The following PPFIA2 variants were observed in gnomAD, a reference collection of about 807,000 sequenced individuals.
PPFIA2 encodes the protein PPFI scaffold protein A2.
A neutral mutation model predicts 175.5 loss-of-function variants in PPFIA2; 46 were observed. The ratio of observed to expected loss-of-function variants is 0.26; its 90% CI spans 0.21 to 0.34. The LOEUF (loss-of-function observed/expected upper bound fraction) is 0.34, where lower values mean the gene tolerates loss of function less well. Among genes scored for constraint, PPFIA2 ranks in the 10% least tolerant of loss-of-function variants. PPFIA2 has a pLI of 1.00. For missense variants in PPFIA2, 1,179 were observed against 1,506.1 expected (o/e 0.78, Z 3.60); for synonymous variants, 568 against 511.4 (o/e 1.11, Z -1.49).
At chr12:81,455,938 T>C (rs570333936) in intron 5 of PPFIA2, among the ~76,000 whole-genome samples, 1 of 152,236 alleles carries the variant, frequency 6.6e-6, no homozygotes, top group Admixed American at 6.5e-5. Context: ...CAGAGGGGTG[T>C]AGAAAGGAGT....
At chr12:81,508,883 C>T (rs1041841604) in intron 4 of PPFIA2, among the ~76,000 whole-genome samples, 8 of 150,532 alleles carry the variant, frequency 5.3e-5, no homozygotes, top group Admixed American at 4.0e-4. Context: ...TTTGTTCTTG[C>T]GATAGTTTAC....
intron 17 of PPFIA2, among the ~76,000 whole-genome samples, chr12:81,349,589 G>A (rs1263293107): frequency 6.6e-6 from 1 of 151,750 alleles, no homozygotes; most frequent in Non-Finnish European, 1.5e-5. Flanking sequence ...AAAAAAAGAA[G>A]ACATTTTGTA....
intron 7 of PPFIA2, among the ~76,000 whole-genome samples, chr12:81,422,154 GTATA>G (rs533555962): frequency 1.4e-5 from 1 of 70,668 alleles, no homozygotes. Flanking sequence ...ATATATGTGT[GTATA>G]TATATATATA....
chr12:81,747,486 A>T (rs2083220940), intron 3 of PPFIA2, among the ~76,000 whole-genome samples: 1 of 144,286 alleles, frequency 6.9e-6, no homozygotes, highest in Non-Finnish European at 1.6e-5. Flanking sequence ...AGTGTTCATT[A>T]TTACCCAGTA....
At chr12:81,301,462 T>G (rs1043692829) in intron 22 of PPFIA2, among the ~76,000 whole-genome samples, 5 of 152,268 alleles carry the variant, frequency 3.3e-5, no homozygotes, top group African/African-American at 1.2e-4. Flanking sequence ...AAAGCTATTT[T>G]TAAATATTAG....
At chr12:81,677,514 A>T (rs938238337) in intron 3 of PPFIA2, among the ~76,000 whole-genome samples, 1 of 151,892 alleles carries the variant, frequency 6.6e-6, no homozygotes, top group African/African-American at 2.4e-5. Context: ...TAGCCTTCCC[A>T]GTCTGTGGTA....
chr12:81,293,099 AAAGT>A (rs2137735713), intron 24 of PPFIA2, among the ~76,000 whole-genome samples: 1 of 152,126 alleles, frequency 6.6e-6, no homozygotes, highest in Non-Finnish European at 1.5e-5. Context: ...AAACTGCAAT[AAAGT>A]AATAAGACTT....
At chr12:81,535,472 A>T in intron 4 of PPFIA2, 1 of 455,352 alleles carries the variant, frequency 2.2e-6, no homozygotes, top group Non-Finnish European at 4.4e-6. Flanking sequence ...GAAAGGCAGA[A>T]TCTCACTGTA....
At chr12:81,659,880 C>CA (rs1190094311) in intron 4 of PPFIA2, among the ~76,000 whole-genome samples, 1 of 152,142 alleles carries the variant, frequency 6.6e-6, no homozygotes, top group Non-Finnish European at 1.5e-5. Context: ...GATCAGGCAG[C>CA]AATATTTGCT....
At chr12:81,706,863 A>G (rs972166950) in intron 3 of PPFIA2, among the ~76,000 whole-genome samples, 1 of 152,162 alleles carries the variant, frequency 6.6e-6, no homozygotes, top group Non-Finnish European at 1.5e-5. Flanking sequence ...CAGAAATAAC[A>G]CCGCATATCT....
At chr12:81,443,768 C>A (rs2050673149) in intron 6 of PPFIA2, among the ~76,000 whole-genome samples, 1 of 151,070 alleles carries the variant, frequency 6.6e-6, no homozygotes, top group Admixed American at 6.6e-5. Context: ...CTGTGTGGGT[C>A]CTGCTGCTTA....
At chr12:81,755,755 C>T (rs1158564413) in intron 2 of PPFIA2, among the ~76,000 whole-genome samples, 1 of 152,076 alleles carries the variant, frequency 6.6e-6, no homozygotes, top group Non-Finnish European at 1.5e-5. Context: ...AAGTTTTGCT[C>T]ATTGCTCATA....
chr12:81,349,937 T>C (rs2059730087), intron 17 of PPFIA2, among the ~76,000 whole-genome samples: 1 of 152,146 alleles, frequency 6.6e-6, no homozygotes, highest in African/African-American at 2.4e-5. Flanking sequence ...CACAGAAAAA[T>C]TCTGGTTGTT....
intron 3 of PPFIA2, among the ~76,000 whole-genome samples, chr12:81,689,152 T>C (rs1208857200): frequency 6.6e-6 from 1 of 151,666 alleles, no homozygotes; most frequent in East Asian, 1.9e-4. Context: ...AGCAACACTA[T>C]CCAAAATCAG....
rs35938564 is a variant in PPFIA2, at chr12:81,716,551, A to AACACAC, written c.249+37416_249+37421dup. On this transcript the variant is annotated intron_variant, in intron 3 of 32. Transcript: ENST00000549396. ...GATAGTAAAATACTTGGAAAGTACC[A>AACACAC]ACACACACACACACACACACACACA... 8.2e-4 allele frequency among the ~76,000 whole-genome samples: 121 copies of AACACAC among 147,898 alleles called. 1 individual carries two copies. In the East Asian group the frequency reaches 0.017, roughly 20 times the overall value.
intron 4 of PPFIA2, among the ~76,000 whole-genome samples, chr12:81,675,116 C>T (rs1461476424): frequency 2.0e-5 from 3 of 151,922 alleles, no homozygotes; most frequent in Admixed American, 1.3e-4. Flanking sequence ...GAACTATCCT[C>T]TTCACAATAT....
At chr12:81,744,364 ATTTG>A (rs992304847) in intron 3 of PPFIA2, among the ~76,000 whole-genome samples, 2 of 151,708 alleles carry the variant, frequency 1.3e-5, no homozygotes, top group Non-Finnish European at 1.5e-5. Context: ...ATTAATAATA[ATTTG>A]TTTGCCTTAC....
At chr12:81,396,698 C>T (rs1335365743) in intron 8 of PPFIA2, among the ~76,000 whole-genome samples, 1 of 152,068 alleles carries the variant, frequency 6.6e-6, no homozygotes, top group Non-Finnish European at 1.5e-5. Flanking sequence ...TATCCATAGA[C>T]ATTTTTTTAA....
chr12:81,511,198 C>A (rs2147794754), intron 4 of PPFIA2, among the ~76,000 whole-genome samples: 1 of 152,104 alleles, frequency 6.6e-6, no homozygotes, highest in South Asian at 2.1e-4. Context: ...CCATTTTTGA[C>A]CCATATCTGG....
Sources: gnomAD v4.1 joint callset for allele counts (sites outside exome capture counted in the v4.1 genomes callset) on GRCh38, gnomAD v4.1.1 for gene constraint, MANE v1.5 for transcripts, NCBI Gene and HGNC (gene_info 2026-07-23, HGNC 2026-07-21) for gene names.